The following ZNF385D variants were observed in gnomAD, a reference collection of about 807,000 sequenced individuals.
The protein encoded by ZNF385D is zinc finger protein 659.
A neutral mutation model predicts 35.8 loss-of-function variants in ZNF385D; 15 were observed. That is an observed-to-expected ratio of 0.42 (90% confidence interval 0.28 to 0.64). The LOEUF is 0.64. Ranked by LOEUF, ZNF385D falls within the 30% of genes least tolerant of loss-of-function variation. ZNF385D has a pLI of 0.23. For synonymous variants in ZNF385D, 212 were observed against 186.8 expected, an observed-to-expected ratio of 1.13 and a Z score of -1.10; for missense variants, 474 against 494.6, an observed-to-expected ratio of 0.96 and a Z score of 0.39.
At chr3:21,608,023 G>GTTTTTTTTTGTTTTT (rs1553622610) in intron 2 of ZNF385D, among the ~76,000 whole-genome samples, 2 of 120,240 alleles carry the variant, frequency 1.7e-5, no homozygotes, top group African/African-American at 6.4e-5. Context: ...TTTTTTTTTT[G>GTTTTTTTTTGTTTTT]TTTTTTTTTT....
intron 3 of ZNF385D, among the ~76,000 whole-genome samples, chr3:21,516,404 G>A (rs1452960293): frequency 1.3e-5 from 2 of 152,092 alleles, no homozygotes; most frequent in Non-Finnish European, 2.9e-5. Context: ...GCAGACAAAG[G>A]AGAATTTCTC....
intron 3 of ZNF385D, among the ~76,000 whole-genome samples, chr3:21,885,073 G>C (rs779127524): frequency 3.9e-4 from 59 of 151,880 alleles, no homozygotes; most frequent in Admixed American, 3.9e-4. Flanking sequence ...GCTGTTTAAA[G>C]AAAAACTTAC....
chr3:21,982,306 A>G (rs1694511267), intron 3 of ZNF385D, among the ~76,000 whole-genome samples: 1 of 151,892 alleles, frequency 6.6e-6, no homozygotes, highest in African/African-American at 2.4e-5. Context: ...GGTTAGCTGT[A>G]TTTCTAGGTT....
At chr3:22,126,800 T>C (rs1324046937) in intron 3 of ZNF385D, among the ~76,000 whole-genome samples, 2 of 152,286 alleles carry the variant, frequency 1.3e-5, no homozygotes, top group East Asian at 1.9e-4. Context: ...CCAACTATTA[T>C]TGTATCTCTC....
intron 3 of ZNF385D, among the ~76,000 whole-genome samples, chr3:21,790,087 A>G (rs2071865447): frequency 6.6e-6 from 1 of 152,170 alleles, no homozygotes; most frequent in African/African-American, 2.4e-5. Flanking sequence ...AGACACAAAC[A>G]CACACATAAC....
intron 3 of ZNF385D, among the ~76,000 whole-genome samples, chr3:21,919,358 G>A (rs1299982251): frequency 6.6e-6 from 1 of 152,194 alleles, no homozygotes; most frequent in African/African-American, 2.4e-5. Flanking sequence ...TTTGAAAGCT[G>A]CCTGCCTTTC....
chr3:21,872,069 G>A (rs534161907), intron 3 of ZNF385D, among the ~76,000 whole-genome samples: 5 of 151,938 alleles, frequency 3.3e-5, no homozygotes, highest in East Asian at 1.9e-4. Context: ...ATAAATATAC[G>A]TATTTTAAAA....
rs1703121169 is a variant in ZNF385D at position 21,969,607 on chromosome 3, T to C, written c.325+199210A>G. On this transcript the variant is annotated intron_variant, in intron 3 of 5. Coordinates refer to the ZNF385D transcript ENST00000494108. ...CTGGTCCTGGATGACATCTTTGGAATGGCCTGGTGCCAGGGTAACTCATCA... is the reference window on the plus strand; with the variant it reads ...CTGGTCCTGGATGACATCTTTGGAACGGCCTGGTGCCAGGGTAACTCATCA... Among the ~76,000 whole-genome samples the C allele has an allele frequency of 2.6e-5, 4 of 152,150 alleles. No homozygotes were observed. In the South Asian group the frequency reaches 8.3e-4, roughly 32 times the overall value.
chr3:21,489,528 A>C (rs1477398140), intron 4 of ZNF385D, among the ~76,000 whole-genome samples: 1 of 152,168 alleles, frequency 6.6e-6, no homozygotes, highest in Non-Finnish European at 1.5e-5. Context: ...AGAGTTTTAA[A>C]GACTTTCCTC....
At chr3:22,096,216 G>C (rs1328966484) in intron 3 of ZNF385D, among the ~76,000 whole-genome samples, 2 of 152,128 alleles carry the variant, frequency 1.3e-5, no homozygotes, top group South Asian at 2.1e-4. Flanking sequence ...CTGTTGAGTA[G>C]CATGCTCACT....
intron 3 of ZNF385D, among the ~76,000 whole-genome samples, chr3:21,914,020 G>C (rs931822141): frequency 3.3e-5 from 5 of 152,072 alleles, no homozygotes; most frequent in Admixed American, 2.6e-4. Context: ...TCATGCTTGT[G>C]AGGCAGCTGT....
chr3:21,420,960 C>G lies in ZNF385D; in HGVS notation c.*254G>C, dbSNP rs1486925612. ...GCTTCAGAAGGTCTAGATACCACTA[C>G]AAATCAATGCTGGAGATCACTTCTA... On this transcript the variant is annotated 3_prime_UTR_variant, in exon 8 of 8. Transcript: ENST00000281523. The G allele has an allele frequency of 1.1e-5, 5 of 465,332 alleles. No individual in the cohort carries two copies. The East Asian group carries it at 1.9e-4, about 18-fold the overall frequency. The allele number at this position is 465,332 out of a possible 1,614,324, so 28.8% of individuals were successfully genotyped here.
chr3:22,143,102 T>A (rs1027387817), intron 3 of ZNF385D, among the ~76,000 whole-genome samples: 75 of 144,864 alleles, frequency 5.2e-4, no homozygotes, highest in African/African-American at 1.9e-3. Context: ...TGTGTGTGTG[T>A]GACGGAGTCT....
chr3:21,511,343 C>T (rs1707185343), intron 3 of ZNF385D, among the ~76,000 whole-genome samples: 1 of 152,100 alleles, frequency 6.6e-6, no homozygotes, highest in Admixed American at 6.5e-5. Flanking sequence ...CTTTGTTCTG[C>T]CACAGAAGAT....
At chr3:21,814,864 A>C (rs558819976) in intron 3 of ZNF385D, among the ~76,000 whole-genome samples, 2 of 152,304 alleles carry the variant, frequency 1.3e-5, no homozygotes, top group East Asian at 1.9e-4. Context: ...CTCCACCCCA[A>C]ATCAACAGAA....
intron 3 of ZNF385D, among the ~76,000 whole-genome samples, chr3:22,002,890 C>T (rs1245510374): frequency 6.6e-6 from 1 of 152,064 alleles, no homozygotes; most frequent in Non-Finnish European, 1.5e-5. Flanking sequence ...CATGATAAAA[C>T]ATCTCAACAA....
At chr3:22,094,601 G>A (rs1388322514) in intron 3 of ZNF385D, among the ~76,000 whole-genome samples, 1 of 151,844 alleles carries the variant, frequency 6.6e-6, no homozygotes, top group African/African-American at 2.4e-5. Flanking sequence ...GAACTAAGGT[G>A]TGGTTTTGAG....
intron 3 of ZNF385D, among the ~76,000 whole-genome samples, chr3:22,104,066 G>T (rs1436486281): frequency 1.3e-5 from 2 of 151,998 alleles, no homozygotes; most frequent in East Asian, 3.9e-4. Context: ...GGGGAGTGAG[G>T]GACGTATGTG....
intron 2 of ZNF385D, among the ~76,000 whole-genome samples, chr3:21,600,728 A>G (rs555931639): frequency 1.3e-5 from 2 of 152,278 alleles, no homozygotes; most frequent in Admixed American, 1.3e-4. Flanking sequence ...CAGTGCAGGT[A>G]ACAAAAAAAT....
Sources: gnomAD v4.1 joint callset for allele counts (sites outside exome capture counted in the v4.1 genomes callset) on GRCh38, gnomAD v4.1.1 for gene constraint, MANE v1.5 for transcripts, NCBI Gene and HGNC (gene_info 2026-07-23, HGNC 2026-07-21) for gene names.